DSCAM: variants seen among roughly 807,000 people sequenced by gnomAD.
The protein encoded by DSCAM is cell adhesion molecule DSCAM.
DSCAM carries 47 observed loss-of-function variants against 217.7 expected under a neutral mutation model. The ratio of observed to expected loss-of-function variants is 0.22; its 90% CI spans 0.17 to 0.28. DSCAM has a LOEUF of 0.28. Ranked by LOEUF, DSCAM falls within the 10% of genes least tolerant of loss-of-function variation. The pLI is 1.00. For missense variants in DSCAM, 2,080 were observed against 2,618.3 expected (o/e 0.79, Z 4.49); for synonymous variants, 1,056 against 1,015.3 (o/e 1.04, Z -0.76).
Position 40,259,974 on chromosome 21 carries a change from G to A in DSCAM, c.2356+16123C>T, listed in dbSNP as rs560673463. ...AATCTCCTGACCTTGTGATCCGCCC[G>A]CCTCGGCCTCCCAAAGTGCTGGGAT... On this transcript the variant is annotated intron_variant, in intron 11 of 32. Transcript: ENST00000400454. Among the ~76,000 whole-genome samples, 25 of 152,086 alleles carry A rather than the reference G, an allele frequency of 1.6e-4. 1 individual carries two copies. Among genetic ancestry groups the A allele is most frequent in the African/African-American group, 5.8e-4 (24 of 41,496 alleles).
At chr21:40,546,842 G>A (rs2076587150) in intron 3 of DSCAM, among the ~76,000 whole-genome samples, 1 of 152,064 alleles carries the variant, frequency 6.6e-6, no homozygotes, top group South Asian at 2.1e-4. Flanking sequence ...CTTTCTAAGG[G>A]AAGTCACGTC....
At chr21:40,340,309 G>T (rs1429460911) in intron 6 of DSCAM, among the ~76,000 whole-genome samples, 1 of 152,022 alleles carries the variant, frequency 6.6e-6, no homozygotes. Flanking sequence ...TTTTCAGTAT[G>T]TTTACATAGA....
chr21:40,140,763 C>A (rs1488323673), intron 18 of DSCAM, among the ~76,000 whole-genome samples: 1 of 152,024 alleles, frequency 6.6e-6, no homozygotes, highest in African/African-American at 2.4e-5. Context: ...TTAAATCTGC[C>A]CTTCTGTGGG....
At chr21:40,583,578 A>T (rs1015315404) in intron 3 of DSCAM, among the ~76,000 whole-genome samples, 37 of 152,170 alleles carry the variant, frequency 2.4e-4, no homozygotes, top group African/African-American at 8.7e-4. Context: ...AAAAGAGAAG[A>T]GGATAAAGGG....
intron 3 of DSCAM, among the ~76,000 whole-genome samples, chr21:40,429,768 G>A (rs1251003890): frequency 6.6e-6 from 1 of 152,174 alleles, no homozygotes; most frequent in Admixed American, 6.5e-5. Flanking sequence ...TTAAGTGCTG[G>A]CTATTATTAA....
intron 20 of DSCAM, among the ~76,000 whole-genome samples, chr21:40,109,515 G>A (rs1005728815): frequency 6.6e-6 from 1 of 152,210 alleles, no homozygotes; most frequent in Non-Finnish European, 1.5e-5. Flanking sequence ...GGTGATTTCT[G>A]CATTTCCAAC....
chr21:40,376,386 T>C (rs1213229349), intron 3 of DSCAM, among the ~76,000 whole-genome samples: 1 of 148,958 alleles, frequency 6.7e-6, no homozygotes, highest in African/African-American at 2.4e-5. Context: ...GAAGTGGAAA[T>C]AGAAGATATA....
intron 3 of DSCAM, chr21:40,383,319 A>C (rs1033875899): frequency 3.9e-5 from 6 of 152,370 alleles, no homozygotes; most frequent in African/African-American, 1.4e-4. Flanking sequence ...TGACACAGCA[A>C]GACTCCCTCT....
intron 1 of DSCAM, among the ~76,000 whole-genome samples, chr21:40,818,419 G>A (rs9983897): frequency 1.3e-5 from 2 of 151,002 alleles, no homozygotes; most frequent in Non-Finnish European, 3.0e-5. Context: ...GGTGGCGGGC[G>A]CCTGTAGTCC....
At chr21:40,620,386 G>GAA (rs1555872444) in intron 3 of DSCAM, among the ~76,000 whole-genome samples, 1 of 91,620 alleles carries the variant, frequency 1.1e-5, no homozygotes, top group African/African-American at 3.6e-5. Flanking sequence ...AAGAAAGAAA[G>GAA]AGAAAGAAAG....
chr21:40,180,638 CAG>C (rs1354331747), intron 14 of DSCAM, among the ~76,000 whole-genome samples: 2 of 151,958 alleles, frequency 1.3e-5, no homozygotes, highest in Non-Finnish European at 2.9e-5. Flanking sequence ...CCACAAGATG[CAG>C]AGACATTTGC....
At chr21:40,203,682 C>A (rs1006132384) in intron 11 of DSCAM, among the ~76,000 whole-genome samples, 1 of 152,232 alleles carries the variant, frequency 6.6e-6, no homozygotes, top group African/African-American at 2.4e-5. Flanking sequence ...CAATTAAATA[C>A]ATGCAAAGAC....
At chr21:40,796,584 T>C (rs561630020) in intron 1 of DSCAM, among the ~76,000 whole-genome samples, 2 of 152,182 alleles carry the variant, frequency 1.3e-5, no homozygotes, top group Admixed American at 6.5e-5. Flanking sequence ...TCTAAATCTA[T>C]GTAGGCAGGT....
chr21:40,613,866 GC>G (rs2089349602), intron 3 of DSCAM, among the ~76,000 whole-genome samples: 2 of 151,922 alleles, frequency 1.3e-5, no homozygotes, highest in African/African-American at 4.8e-5. Context: ...TTTGCTGATT[GC>G]TTGTCAGAAT....
chr21:40,546,850 G>A (rs544790506), intron 3 of DSCAM, among the ~76,000 whole-genome samples: 6 of 152,126 alleles, frequency 3.9e-5, no homozygotes, highest in African/African-American at 7.2e-5. Context: ...GGGAAGTCAC[G>A]TCTTACACTT....
chr21:40,806,291 A>C (rs912063246), intron 1 of DSCAM, among the ~76,000 whole-genome samples: 3 of 152,158 alleles, frequency 2.0e-5, no homozygotes, highest in Non-Finnish European at 4.4e-5. Flanking sequence ...CTTTACTGTC[A>C]GCTCCACCAA....
At chr21:40,022,354 T>G (rs1028882840) in intron 32 of DSCAM, among the ~76,000 whole-genome samples, 5 of 152,242 alleles carry the variant, frequency 3.3e-5, no homozygotes, top group African/African-American at 4.8e-5. Context: ...AAGAATGATC[T>G]GGCTTCAAAT....
At chr21:40,527,706 G>A (rs1366678825) in intron 3 of DSCAM, among the ~76,000 whole-genome samples, 1 of 152,204 alleles carries the variant, frequency 6.6e-6, no homozygotes, top group African/African-American at 2.4e-5. Context: ...TTGTTATACA[G>A]TAATAAATAA....
At chr21:40,197,398 G>T (rs9984874) in intron 11 of DSCAM, among the ~76,000 whole-genome samples, 1 of 151,608 alleles carries the variant, frequency 6.6e-6, no homozygotes, top group African/African-American at 2.4e-5. Context: ...GATTACAGGC[G>T]TGAGCCACCG....
Sources: gnomAD v4.1 joint callset for allele counts (sites outside exome capture counted in the v4.1 genomes callset) on GRCh38, gnomAD v4.1.1 for gene constraint, MANE v1.5 for transcripts, NCBI Gene and HGNC (gene_info 2026-07-23, HGNC 2026-07-21) for gene names.